The following GPLD1 variants were observed in gnomAD, a reference collection of about 807,000 sequenced individuals.
GPLD1 encodes the protein glycosylphosphatidylinositol specific phospholipase D1.
Under a neutral mutation model 112.6 loss-of-function variants are expected in GPLD1, and 84 were observed. The observed-to-expected ratio is 0.75, with a 90% confidence interval of 0.63 to 0.89. GPLD1 has a LOEUF of 0.89. Among genes scored for constraint, GPLD1 ranks in the 40% least tolerant of loss-of-function variants. The pLI, the probability that GPLD1 is intolerant of heterozygous loss-of-function variation, is 0.00. For missense variants in GPLD1, 1,044 were observed against 1,051.5 expected (o/e 0.99, Z 0.10); for synonymous variants, 386 against 403.8 (o/e 0.96, Z 0.53).
chr6:24,449,301 G>A (rs1051072249), intron 15 of GPLD1, among the ~76,000 whole-genome samples: 1 of 152,084 alleles, frequency 6.6e-6, no homozygotes, highest in Non-Finnish European at 1.5e-5. Context: ...GTCACACATG[G>A]TGCCCGGATG....
chr6:24,452,007 T>C (rs748005772), intron 14 of GPLD1, among the ~76,000 whole-genome samples: 2 of 152,200 alleles, frequency 1.3e-5, no homozygotes, highest in Non-Finnish European at 2.9e-5. Flanking sequence ...TTTCCTATCA[T>C]AAACCTTCAT....
chr6:24,457,536 A>T (rs887095318), intron 12 of GPLD1, among the ~76,000 whole-genome samples: 12 of 151,948 alleles, frequency 7.9e-5, no homozygotes, highest in Admixed American at 7.9e-4. Flanking sequence ...GTATTTGTAT[A>T]TGTGTATATA....
intron 10 of GPLD1, among the ~76,000 whole-genome samples, chr6:24,463,069 G>A (rs557046807): frequency 6.6e-6 from 1 of 152,206 alleles, no homozygotes; most frequent in East Asian, 1.9e-4. Context: ...GCTGTTCCAC[G>A]CTAACACGAA....
chr6:24,436,034 C>T (rs1163991803), intron 22 of GPLD1, among the ~76,000 whole-genome samples: 1 of 151,836 alleles, frequency 6.6e-6, no homozygotes, highest in Non-Finnish European at 1.5e-5. Context: ...GGTAGAAGAA[C>T]TGCTTGAGCC....
intron 13 of GPLD1, among the ~76,000 whole-genome samples, chr6:24,454,782 G>C (rs1490413631): frequency 7.9e-5 from 12 of 152,152 alleles, no homozygotes; most frequent in Admixed American, 7.9e-4. Context: ...TCACTACAGG[G>C]GCTGGAAAGA....
At chr6:24,438,943 C>T (rs1009353407) in intron 20 of GPLD1, among the ~76,000 whole-genome samples, 8 of 152,084 alleles carry the variant, frequency 5.3e-5, no homozygotes, top group Non-Finnish European at 1.2e-4. Context: ...CGCGCCACCA[C>T]GCCTAATTTT....
In GPLD1 at chr6:24,429,075, C is replaced by A; in HGVS notation, c.2480G>T (p.Arg827Leu). ...IAAGRSSLGARLSGALHVYSL... is the reference protein window; with the variant it reads ...IAAGRSSLGALLSGALHVYSL... ...ATAGACGTGAAGTGCCCCGGAGAGT[C>A]GGGCTCCCAAAGAACTCCTTCCAGC... The change falls in exon 25 of 25, where the codon CGA (arginine) becomes CTA (leucine). Residue 827 changes from arginine to leucine, a missense_variant. Arg to Leu is a moderately radical substitution (Grantham distance 102). Transcript: ENST00000230036. 1 of 1,613,754 alleles carries A rather than the reference C, an allele frequency of 6.2e-7. No homozygotes were observed. Among genetic ancestry groups the A allele is most frequent in the South Asian group, 1.1e-5 (1 of 91,010 alleles).
At chr6:24,490,609 AG>A (rs1307991743), upstream of GPLD1, among the ~76,000 whole-genome samples, 1 of 151,996 alleles carries the variant, frequency 6.6e-6, no homozygotes, top group Non-Finnish European at 1.5e-5. Flanking sequence ...AAAATTAGCC[AG>A]GTGTGGTGGC....
At chr6:24,475,758 T>C (rs1383824835) in intron 4 of GPLD1, among the ~76,000 whole-genome samples, 1 of 150,360 alleles carries the variant, frequency 6.7e-6, no homozygotes, top group East Asian at 1.9e-4. Context: ...CTTGGGAGGC[T>C]GAGGCAGGAG....
At chr6:24,475,997 C>T (rs2817203) in intron 4 of GPLD1, among the ~76,000 whole-genome samples, 184 bp downstream of exon 4, 5,587 of 152,208 alleles carry the variant, frequency 0.037, 225 homozygotes, top group African/African-American at 0.093. Context: ...GTATCCCAAA[C>T]CGTGTTTATA....
intron 8 of GPLD1, 22 bp from the exon 9 acceptor site, chr6:24,466,961 T>C: frequency 6.2e-7 from 1 of 1,603,876 alleles, no homozygotes; most frequent in Non-Finnish European, 8.5e-7. Flanking sequence ...ACAATAATTT[T>C]GGCTGTGAGT....
chr6:24,486,091 C>A lies in GPLD1; in HGVS notation c.137G>T (p.Arg46Leu), dbSNP rs1139459. 4 of 1,593,372 alleles carry A rather than the reference C, an allele frequency of 2.5e-6. No individual in the cohort carries two copies. Among genetic ancestry groups the A allele is most frequent in the African/African-American group, 2.7e-5 (2 of 74,482 alleles). Residue 46 changes from arginine to leucine, a missense_variant, in exon 2 of 25, where the codon CGT becomes CTT. Transcript: ENST00000230036. The part of the protein sequence containing the change: ...ALEFLQLHNG[R>L]VNYRELLLEH... ...GATTTCTACCTCTCTGTAGTTAACA[C>A]GCCCATTGTGAAGCTGAAGAAACTC...
rs919358482 is a variant in GPLD1 at position 24,446,962 on chromosome 6, C to T, written c.1696G>A (p.Ala566Thr). ...TCGCCTCTCACCGTCCAGTTGGCTG[C>T]CTCCACGTTCAGTTTTTCTAAAGAA... ...LSDKEKLNVE[A>T]ANWTVRGEED... is the part of the protein sequence containing the mutation. The change falls in exon 18 of 25, where the codon GCA (alanine) becomes ACA (threonine). Residue 566 changes from alanine to threonine, a missense_variant. Transcript: ENST00000230036. The T allele has an allele frequency of 1.2e-6, 2 of 1,613,144 alleles. No homozygotes were observed. Among genetic ancestry groups the T allele is most frequent in the East Asian group, 2.2e-5 (1 of 44,808 alleles).
intron 24 of GPLD1, 62 bp from the exon 25 acceptor site, chr6:24,429,180 A>G (rs1276008930): frequency 1.4e-5 from 14 of 1,002,586 alleles, no homozygotes; most frequent in Non-Finnish European, 2.0e-5. Context: ...TTCCTATGGT[A>G]GTCCAGGCAT....
At chr6:24,462,636 T>G in intron 11 of GPLD1, 94 bp downstream of exon 11, 2 of 767,960 alleles carry the variant, frequency 2.6e-6, no homozygotes, top group Non-Finnish European at 4.6e-6. Flanking sequence ...AACCTACAGC[T>G]GTCTCTCAAC....
intron 23 of GPLD1, 38 bp downstream of exon 23, chr6:24,433,325 G>T: frequency 6.3e-7 from 1 of 1,593,394 alleles, no homozygotes; most frequent in Non-Finnish European, 8.6e-7. Context: ...CATTGTTTTG[G>T]TAATTTTTCT....
At chr6:24,439,552 G>GT (rs564696235) in intron 20 of GPLD1, among the ~76,000 whole-genome samples, 7 of 152,186 alleles carry the variant, frequency 4.6e-5, no homozygotes, top group African/African-American at 1.2e-4. Flanking sequence ...TCATCAAAGT[G>GT]TTTTTTTAAT....
At chr6:24,429,202 C>T in intron 24 of GPLD1, 84 bp from the exon 25 acceptor site, 1 of 778,320 alleles carries the variant, frequency 1.3e-6, no homozygotes, top group Non-Finnish European at 2.1e-6. Flanking sequence ...ATGCTATGCT[C>T]TAGAAATATA....
intron 17 of GPLD1, 135 bp downstream of exon 17, chr6:24,447,742 A>T: frequency 4.9e-6 from 4 of 821,800 alleles, no homozygotes; most frequent in Non-Finnish European, 7.5e-6. Context: ...ACACATCTTT[A>T]AGAGTAACAG....
Sources: gnomAD v4.1 joint callset for allele counts (sites outside exome capture counted in the v4.1 genomes callset) on GRCh38, gnomAD v4.1.1 for gene constraint, MANE v1.5 for transcripts, NCBI Gene and HGNC (gene_info 2026-07-23, HGNC 2026-07-21) for gene names.